The following MAGI1 variants were observed in gnomAD, a reference collection of about 807,000 sequenced individuals.
The protein encoded by MAGI1 is membrane associated guanylate kinase, WW and PDZ domain containing 1, also known as membrane-associated guanylate kinase, WW and PDZ domain-containing protein 1.
Under a neutral mutation model 139.9 loss-of-function variants are expected in MAGI1, and 58 were observed. The observed-to-expected ratio is 0.41, with a 90% confidence interval of 0.34 to 0.52. The LOEUF (loss-of-function observed/expected upper bound fraction) is 0.52. Among genes scored for constraint, MAGI1 ranks in the 20% least tolerant of loss-of-function variants. MAGI1 has a pLI of 0.12. For missense variants in MAGI1, 1,874 were observed against 1,901.6 expected (o/e 0.99, Z 0.27); for synonymous variants, 812 against 737.9 (o/e 1.10, Z -1.63).
At chr3:65,934,127 AAAAAAC>A (rs1226129429) in intron 1 of MAGI1, among the ~76,000 whole-genome samples, 2 of 152,296 alleles carry the variant, frequency 1.3e-5, no homozygotes, top group Admixed American at 6.5e-5. Flanking sequence ...TGTCTCAAAC[AAAAAAC>A]AAAAACAAAA....
chr3:65,437,822 A>C (rs932558967), intron 9 of MAGI1, among the ~76,000 whole-genome samples: 1 of 152,184 alleles, frequency 6.6e-6, no homozygotes, highest in Non-Finnish European at 1.5e-5. Context: ...TAACATATTC[A>C]ATTGTACATT....
chr3:65,506,698 T>A lies in MAGI1; in HGVS notation c.431-13067A>T, dbSNP rs530690613. ...ACTTATTGAAATATAATGTCTAAAT[T>A]TGAGGATCTCAATTGCCCTAATTCC... On this transcript the variant is annotated intron_variant, in intron 2 of 22. Coordinates refer to ENST00000402939, the MANE Select transcript of MAGI1 (RefSeq NM_001033057.2). 1.1e-4 allele frequency among the ~76,000 whole-genome samples: 17 copies of A among 152,292 alleles called. 1 individual carries two copies. The East Asian group carries it at 2.3e-3, about 21-fold the overall frequency.
chr3:65,872,897 C>T (rs1229957887), intron 1 of MAGI1: 3 of 152,150 alleles, frequency 2.0e-5, no homozygotes, highest in Non-Finnish European at 1.5e-5. Flanking sequence ...ACAGTGCTGA[C>T]CTCTTTAAGA....
At chr3:65,803,267 G>A (rs1026109579) in intron 1 of MAGI1, among the ~76,000 whole-genome samples, 15 of 152,118 alleles carry the variant, frequency 9.9e-5, no homozygotes, top group African/African-American at 3.6e-4. Context: ...ACACTGTTTG[G>A]ACTAAAATAT....
At chr3:65,824,029 A>G (rs1166708705) in intron 1 of MAGI1, among the ~76,000 whole-genome samples, 1 of 152,156 alleles carries the variant, frequency 6.6e-6, no homozygotes, top group African/African-American at 2.4e-5. Context: ...TTTAAAATCT[A>G]TTTCCTAGAG....
chr3:65,483,379 C>T (rs1951411775), intron 3 of MAGI1, among the ~76,000 whole-genome samples: 1 of 152,206 alleles, frequency 6.6e-6, no homozygotes, highest in South Asian at 2.1e-4. Context: ...TGACTCTAAC[C>T]TTCCAGAAAG....
At chr3:66,037,878 G>A (rs551346995) in intron 1 of MAGI1, 118 bp downstream of exon 1, 1 of 1,474,204 alleles carries the variant, frequency 6.8e-7, no homozygotes, top group South Asian at 1.4e-5. Context: ...CAGGGCGCAC[G>A]GCCTCAACTT....
chr3:65,736,161 G>A (rs1036803325), intron 1 of MAGI1, among the ~76,000 whole-genome samples: 44 of 152,254 alleles, frequency 2.9e-4, no homozygotes, highest in African/African-American at 1.0e-3. Flanking sequence ...ATTCTCTTAT[G>A]GTTTTCTATG....
chr3:65,886,057 C>CA (rs1452202649), intron 1 of MAGI1, among the ~76,000 whole-genome samples: 12 of 152,086 alleles, frequency 7.9e-5, no homozygotes, highest in Non-Finnish European at 1.5e-4. Flanking sequence ...TAACTGAAAG[C>CA]AAAAATCACC....
intron 1 of MAGI1, among the ~76,000 whole-genome samples, chr3:65,891,946 G>C (rs1226990144): frequency 9.8e-6 from 1 of 102,278 alleles, no homozygotes; most frequent in East Asian, 2.9e-4. Context: ...ATATATACCC[G>C]TGTTGCTCCA....
chr3:65,740,610 G>A (rs1000929282), intron 1 of MAGI1, among the ~76,000 whole-genome samples: 2 of 152,132 alleles, frequency 1.3e-5, no homozygotes, highest in African/African-American at 4.8e-5. Flanking sequence ...GTGATAGTGG[G>A]GAGAAACGAT....
intron 12 of MAGI1, among the ~76,000 whole-genome samples, chr3:65,415,042 A>C (rs1346632438): frequency 3.3e-5 from 5 of 151,694 alleles, no homozygotes; most frequent in Admixed American, 3.3e-4. Flanking sequence ...AAACAGAAGA[A>C]GAAGAACATC....
intron 1 of MAGI1, among the ~76,000 whole-genome samples, chr3:65,972,323 T>C (rs1002551431): frequency 3.9e-5 from 6 of 152,238 alleles, no homozygotes; most frequent in African/African-American, 1.4e-4. Flanking sequence ...TTTTAGAAAA[T>C]GTCCAGCAGA....
intron 1 of MAGI1, among the ~76,000 whole-genome samples, chr3:65,636,955 C>A (rs1251760764): frequency 2.6e-5 from 4 of 152,232 alleles, no homozygotes; most frequent in Non-Finnish European, 1.5e-5. Flanking sequence ...CAAGGTTAAG[C>A]CCATTGCAGG....
At position 65,891,927 on chromosome 3, in the gene MAGI1, T is replaced by C. The variant is rs1461289088; in HGVS notation, c.313+146069A>G. ...ATATATATATATATATATATATATA[T>C]ATATATATATATATACCCGTGTTGC... is the stretch of plus-strand genomic sequence containing the variant. On this transcript the variant is annotated intron_variant, in intron 1 of 22. Transcript: ENST00000402939. Among the ~76,000 whole-genome samples, 7 of 109,778 alleles carry C rather than the reference T, an allele frequency of 6.4e-5. No individual in the cohort carries two copies. The South Asian group carries it at 2.2e-3, about 34-fold the overall frequency. The allele number at this position is 109,778 out of a possible 152,430, so 72.0% of individuals were successfully genotyped here.
chr3:65,616,998 T>A (rs1298248633), intron 2 of MAGI1, among the ~76,000 whole-genome samples: 1 of 152,224 alleles, frequency 6.6e-6, no homozygotes, highest in Non-Finnish European at 1.5e-5. Context: ...TAATTTATGG[T>A]CCCATTTAAA....
chr3:65,903,583 G>C (rs1420580875), intron 1 of MAGI1, among the ~76,000 whole-genome samples: 1 of 152,166 alleles, frequency 6.6e-6, no homozygotes, highest in Non-Finnish European at 1.5e-5. Context: ...ACCTTCTCCA[G>C]AGATCAGTTT....
intron 1 of MAGI1, 76 bp from the exon 2 acceptor site, chr3:65,622,164 G>A: frequency 9.8e-7 from 1 of 1,023,064 alleles, no homozygotes; most frequent in Non-Finnish European, 1.5e-6. Context: ...AGAACTGATT[G>A]CAAGAAAGCC....
intron 5 of MAGI1, chr3:65,470,020 TG>T (rs1175695216): frequency 5.7e-6 from 1 of 175,134 alleles, no homozygotes; most frequent in African/African-American, 2.4e-5. Context: ...TTGAATATTA[TG>T]TCATAATTTC....
Sources: allele counts gnomAD v4.1 joint callset (sites outside exome capture counted in the v4.1 genomes callset), GRCh38; gene constraint gnomAD v4.1.1; transcripts MANE v1.5; gene names NCBI Gene and HGNC (gene_info 2026-07-23, HGNC 2026-07-21).